Variants in LUZP1 observed in about 807,000 individuals in gnomAD.
LUZP1 encodes filamin mechanobinding actin cross-linking protein.
LUZP1 carries 25 observed loss-of-function variants against 71.3 expected under a neutral mutation model. The observed-to-expected ratio is 0.35, with a 90% CI of 0.26 to 0.49. The LOEUF (loss-of-function observed/expected upper bound fraction) is 0.49, where lower values mean the gene tolerates loss of function less well. LUZP1 is among the 20% of genes least tolerant of loss of function. The probability of loss-of-function intolerance (pLI) is 0.99; values close to 1 mark genes in which losing one functional copy is unlikely to be tolerated. For synonymous variants in LUZP1, 481 were observed against 506.4 expected (o/e 0.95, Z 0.67); for missense variants, 1,142 against 1,300.8 (o/e 0.88, Z 1.88).
At chr1:23,107,609 T>G (rs370551874) in intron 3 of LUZP1, among the ~76,000 whole-genome samples, 14 of 152,172 alleles carry the variant, frequency 9.2e-5, no homozygotes, top group Admixed American at 5.2e-4. Flanking sequence ...AAGACCAGCC[T>G]GGCCAACATG....
intron 4 of LUZP1, among the ~76,000 whole-genome samples, chr1:23,089,783 G>A (rs1266934964): frequency 2.0e-5 from 3 of 147,370 alleles, no homozygotes; most frequent in South Asian, 2.1e-4. Flanking sequence ...TTTTTGAGAC[G>A]TCATTTCACT....
chr1:23,094,331 T>A lies in LUZP1; in HGVS notation c.-70A>T, dbSNP rs1643882043. On this transcript the variant is annotated 5_prime_UTR_variant, in exon 4 of 5. In the 5' UTR this introduces an upstream ATG that the reference lacks. Coordinates refer to ENST00000302291, the Ensembl canonical transcript of LUZP1. This position sits in a 1 kb window ranked among gnomAD's most constrained non-coding sequence, Gnocchi z 4.7. ...CTCAAGGGGATGAGAAATGGTTACC[T>A]TTCTCTTGGCAACCACAATCTTCTT... The A allele has an allele frequency of 6.6e-7, 1 of 1,509,012 alleles. No homozygotes were observed. The allele number at this position is 1,509,012 out of a possible 1,614,324, so 93.5% of individuals were successfully genotyped here. A position where few individuals can be genotyped will look rare whatever the true frequency, so the allele number is the denominator to read the frequency against.
In LUZP1 at chr1:23,173,385, C is replaced by T. The variant is rs368783142; in HGVS notation, c.-485+4106G>A. On this transcript the variant is annotated intron_variant, in intron 1 of 4. Transcript: ENST00000302291. ...TTTTTTTTTTTTTCAGATAGAGTCT[C>T]ACTTTGTCACCCAGGCTAAAGTGCA... 1.1e-4 allele frequency among the ~76,000 whole-genome samples: 12 copies of T among 106,496 alleles called. 1 individual carries two copies. The East Asian group carries it at 1.2e-3, about 11-fold the overall frequency. 69.9% of individuals were successfully genotyped at this position (106,496 alleles called of 152,430 possible).
At chr1:23,127,450 G>A (rs1644180668) in intron 2 of LUZP1, among the ~76,000 whole-genome samples, 1 of 152,158 alleles carries the variant, frequency 6.6e-6, no homozygotes, top group Non-Finnish European at 1.5e-5. Context: ...GAGTTAAAAA[G>A]GATAATTTAA....
At chr1:23,091,310 A>T in exon 4 of LUZP1, 1 of 1,614,094 alleles carries the variant, frequency 6.2e-7, no homozygotes. Context: ...GCTCAGGGGC[A>T]TCCCCTGAAC....
chr1:23,092,212 G>A (rs761260936), exon 4 of LUZP1: 2 of 1,614,090 alleles, frequency 1.2e-6, no homozygotes, highest in Non-Finnish European at 1.7e-6. Flanking sequence ...TGTGGTTTGG[G>A]CTCTGGCTCT....
intron 3 of LUZP1, among the ~76,000 whole-genome samples, chr1:23,101,442 T>C (rs2124618772): frequency 6.6e-6 from 1 of 152,070 alleles, no homozygotes; most frequent in South Asian, 2.1e-4. Context: ...CCAAAGTTTA[T>C]ATTCTTTTAA....
At chr1:23,127,760 T>C (rs2124679301) in intron 2 of LUZP1, among the ~76,000 whole-genome samples, 1 of 152,230 alleles carries the variant, frequency 6.6e-6, no homozygotes, top group South Asian at 2.1e-4. Flanking sequence ...CCTGACCTCG[T>C]AATCCGCCCA....
At position 23,163,466 on chromosome 1, in the gene LUZP1, G is replaced by A. The variant is rs148081084; in HGVS notation, c.-226+5300C>T. Among the ~76,000 whole-genome samples, 251 of 149,578 alleles carry A rather than the reference G, an allele frequency of 1.7e-3. 1 individual carries two copies. The highest frequency in any genetic ancestry group is 3.0e-3 in the South Asian group (14 of 4,718). ...CAGCTAATCGGAGGCTGAGGAAGGA[G>A]AACTGCCTAAGCCCAGGAGTTCAAG... On this transcript the variant is annotated intron_variant, in intron 2 of 4. Transcript: ENST00000302291.
rs147463811 is a variant in LUZP1, at chr1:23,091,401, T to C, written c.2861A>G (p.Gln954Arg). The C allele has an allele frequency of 1.7e-3, 2,809 of 1,614,174 alleles. 3 individuals are homozygous for C. The highest frequency in any genetic ancestry group is 2.2e-3 in the Non-Finnish European group (2,651 of 1,180,010). ...TTCTGAGAAGTCTGTGGAAGACCTCTGGGTGTAGGCATTGCTATTGGTAGA... is the reference window on the plus strand; with the variant it reads ...TTCTGAGAAGTCTGTGGAAGACCTCCGGGTGTAGGCATTGCTATTGGTAGA... The change falls in exon 4 of 5, where the codon CAG (glutamine) becomes CGG (arginine). Residue 954 changes from glutamine (Q) to arginine (R), a missense_variant. Gln to Arg is a conservative substitution (Grantham distance 43). Coordinates refer to ENST00000302291, the Ensembl canonical transcript of LUZP1.
Position 23,093,576 on chromosome 1 carries a change from G to T in LUZP1, c.686C>A (p.Thr229Lys). Residue 229 changes from threonine (T) to lysine (K), a missense_variant, in exon 4 of 5, where the codon ACA becomes AAA. Physicochemically the swap from Thr to Lys is moderately conservative, Grantham distance 78 (BLOSUM62 -1). Coordinates refer to ENST00000302291, the Ensembl canonical transcript of LUZP1. The surrounding 1 kb of genome is among the most constrained non-coding windows in gnomAD (Gnocchi z 4.2). ...TCTTTCCAGATTAGAAGCATTCCTT[G>T]TATAATCTCGGTTCATTTTTTTGTT... 1 of 1,613,826 alleles carries T rather than the reference G, an allele frequency of 6.2e-7. No homozygotes were observed. Among genetic ancestry groups the T allele is most frequent in the African/African-American group, 1.3e-5 (1 of 74,996 alleles).
At chr1:23,129,993 C>T (rs967167453) in intron 2 of LUZP1, among the ~76,000 whole-genome samples, 9 of 152,312 alleles carry the variant, frequency 5.9e-5, no homozygotes, top group African/African-American at 2.2e-4. Context: ...TCCACAATAA[C>T]TACAGATTAG....
Position 23,094,274 on chromosome 1 carries a change from C to T in LUZP1, c.-13G>A. Reference sequence around the variant, plus strand: ...TAAATTCGGCCATGTCTACTGCCAGCCAATGTGGGCTCCTAGAGGCATCCA... The same window carrying T: ...TAAATTCGGCCATGTCTACTGCCAGTCAATGTGGGCTCCTAGAGGCATCCA... On this transcript the variant is annotated 5_prime_UTR_variant, in exon 4 of 5. Coordinates refer to ENST00000302291, the Ensembl canonical transcript of LUZP1. The surrounding 1 kb of genome is among the most constrained non-coding windows in gnomAD (Gnocchi z 4.7). 1 of 1,584,306 alleles carries T rather than the reference C, an allele frequency of 6.3e-7. No homozygotes were observed. The highest frequency in any genetic ancestry group is 8.6e-7 in the Non-Finnish European group (1 of 1,167,664).
intron 2 of LUZP1, among the ~76,000 whole-genome samples, chr1:23,158,170 T>C (rs777901802): frequency 6.6e-6 from 1 of 152,202 alleles, no homozygotes; most frequent in Non-Finnish European, 1.5e-5. Context: ...AATTGTCTAA[T>C]TTAAACATTT....
exon 4 of LUZP1, chr1:23,092,462 A>G (rs1283684119): frequency 6.2e-7 from 1 of 1,614,240 alleles, no homozygotes; most frequent in East Asian, 2.2e-5. Flanking sequence ...TCGATAGAAC[A>G]GGAGCCTTGG....
At chr1:23,160,489 G>T (rs1241602842) in intron 2 of LUZP1, among the ~76,000 whole-genome samples, 2 of 152,142 alleles carry the variant, frequency 1.3e-5, no homozygotes, top group African/African-American at 4.8e-5. Flanking sequence ...TCTGCTTTGT[G>T]GCATTAGGAC....
At chr1:23,136,584 T>C (rs370522752) in intron 2 of LUZP1, among the ~76,000 whole-genome samples, 2 of 151,792 alleles carry the variant, frequency 1.3e-5, no homozygotes, top group East Asian at 2.0e-4. Flanking sequence ...CCCAAGGTCA[T>C]ACTCTCTGGC....
intron 2 of LUZP1, among the ~76,000 whole-genome samples, chr1:23,151,631 A>G (rs376951475): frequency 6.6e-6 from 1 of 152,332 alleles, no homozygotes; most frequent in African/African-American, 2.4e-5. Flanking sequence ...TAAAGTAGGA[A>G]TAACAGTACC....
chr1:23,122,506 G>A (rs1038999073), intron 2 of LUZP1, among the ~76,000 whole-genome samples: 1 of 152,094 alleles, frequency 6.6e-6, no homozygotes, highest in Non-Finnish European at 1.5e-5. Context: ...CATTACCAAC[G>A]CCCTGAAGCC....
Sources: gnomAD v4.1 joint callset for allele counts (sites outside exome capture counted in the v4.1 genomes callset) on GRCh38, gnomAD v4.1.1 for gene constraint, Gnocchi (gnomAD v3.1) non-coding constraint, MANE v1.5 for transcripts, NCBI Gene and HGNC (gene_info 2026-07-23, HGNC 2026-07-21) for gene names.